ANK3: variants seen among roughly 807,000 people sequenced by gnomAD.
ANK3 encodes the protein ankyrin-3.
Under a neutral mutation model 370.9 loss-of-function variants are expected in ANK3, and 57 were observed. That is an observed-to-expected ratio of 0.15 (90% CI 0.12 to 0.19). The LOEUF is 0.19. ANK3 is among the 10% of genes least tolerant of loss of function. The pLI, the probability that ANK3 is intolerant of heterozygous loss-of-function variation, is 1.00. For missense variants in ANK3, 4,439 were observed against 5,302.1 expected, an observed-to-expected ratio of 0.84 and a Z score of 5.06; for synonymous variants, 1,929 against 1,946.3, an observed-to-expected ratio of 0.99 and a Z score of 0.23.
chr10:60,196,969 A>C (rs1162463267), intron 14 of ANK3, among the ~76,000 whole-genome samples: 2 of 152,214 alleles, frequency 1.3e-5, no homozygotes, highest in South Asian at 4.2e-4. Flanking sequence ...TCTGGGGCTT[A>C]TTCTAGGGCT....
intron 2 of ANK3, among the ~76,000 whole-genome samples, chr10:60,444,326 C>T (rs1349490227): frequency 6.6e-6 from 1 of 151,124 alleles, no homozygotes; most frequent in East Asian, 1.9e-4. Context: ...CATTTGAACT[C>T]ATTCACATGA....
intron 23 of ANK3, chr10:60,140,940 T>A: frequency 8.1e-6 from 8 of 985,538 alleles, no homozygotes; most frequent in Non-Finnish European, 9.6e-6. Context: ...AGGAAAAACA[T>A]TAGAAGAAAA....
intron 2 of ANK3, among the ~76,000 whole-genome samples, chr10:60,519,251 C>A (rs143807518): frequency 8.5e-4 from 130 of 152,226 alleles, no homozygotes; most frequent in Non-Finnish European, 1.5e-3. Flanking sequence ...GCTTGAGGCA[C>A]TTACTGGAAC....
chr10:60,456,672 C>T (rs907713792), intron 2 of ANK3, among the ~76,000 whole-genome samples: 2 of 152,076 alleles, frequency 1.3e-5, no homozygotes, highest in African/African-American at 4.8e-5. Flanking sequence ...GGCTCTAGCA[C>T]CATTCATTCT....
chr10:60,419,071 A>C (rs145104643), intron 2 of ANK3, among the ~76,000 whole-genome samples: 52 of 152,314 alleles, frequency 3.4e-4, no homozygotes, highest in African/African-American at 1.2e-3. Context: ...TTAAATGGCT[A>C]ATGTGTGAAT....
chr10:60,711,504 T>C (rs187649417), intron 1 of ANK3, among the ~76,000 whole-genome samples: 18 of 152,064 alleles, frequency 1.2e-4, no homozygotes, highest in Non-Finnish European at 1.9e-4. Flanking sequence ...AAGATGTCAG[T>C]AGAAACTTCC....
intron 2 of ANK3, among the ~76,000 whole-genome samples, chr10:60,555,877 A>G (rs1382356383): frequency 2.0e-5 from 3 of 152,130 alleles, no homozygotes; most frequent in Non-Finnish European, 4.4e-5. Flanking sequence ...CGTTTCCTCC[A>G]CTTCTCTCAT....
intron 8 of ANK3, among the ~76,000 whole-genome samples, chr10:60,232,318 T>A (rs1251180499): frequency 5.3e-5 from 8 of 152,060 alleles, no homozygotes; most frequent in Non-Finnish European, 1.0e-4. Flanking sequence ...CTGCGTGTCT[T>A]GGTAACCCTC....
intron 1 of ANK3, among the ~76,000 whole-genome samples, chr10:60,694,659 T>G (rs1483979981): frequency 6.6e-6 from 1 of 151,106 alleles, no homozygotes; most frequent in East Asian, 1.9e-4. Context: ...GCTTCATAAG[T>G]GAAGGAGAGA....
At chr10:60,503,139 T>C (rs1200514125) in intron 2 of ANK3, among the ~76,000 whole-genome samples, 1 of 152,188 alleles carries the variant, frequency 6.6e-6, no homozygotes, top group Non-Finnish European at 1.5e-5. Flanking sequence ...ATGCTGCTCT[T>C]TAAACTTTTT....
At chr10:60,295,765 T>G (rs2042364546) in intron 1 of ANK3, among the ~76,000 whole-genome samples, 1 of 152,228 alleles carries the variant, frequency 6.6e-6, no homozygotes, top group Admixed American at 6.5e-5. Flanking sequence ...AATTTAAAAA[T>G]TAATCATTAA....
At chr10:60,517,026 G>A (rs2076234682) in intron 2 of ANK3, among the ~76,000 whole-genome samples, 1 of 151,932 alleles carries the variant, frequency 6.6e-6, no homozygotes, top group Non-Finnish European at 1.5e-5. Flanking sequence ...ATCATCTCTG[G>A]GTGGTCTTGG....
rs1382544046 is a variant in ANK3, at chr10:60,073,350, T to C, written c.7531A>G (p.Lys2511Glu). Residue 2511 changes from lysine (K) to glutamate (E), a missense_variant, in exon 37 of 44, where the codon AAA becomes GAA. Physicochemically the swap from Lys to Glu is moderately conservative, Grantham distance 56. This residue lies in a region of ANK3 where 1,601 missense variants were observed against 1,731.7 expected (regional missense o/e 0.92). Transcript: ENST00000280772. Reference sequence around the variant, plus strand: ...TAGATTTTGGAGAGAATTTCTTTTTTGGGGGCAGTGGCTATTTTTTCTCTG... The same window carrying C: ...TAGATTTTGGAGAGAATTTCTTTTTCGGGGGCAGTGGCTATTTTTTCTCTG... Reference protein sequence around the residue: ...RSREKIATAPKKEILSKIYKD... With the variant: ...RSREKIATAPEKEILSKIYKD... The C allele has an allele frequency of 2.5e-6, 4 of 1,613,878 alleles. No homozygotes were observed. In the South Asian group the frequency reaches 4.4e-5, roughly 18 times the overall value.
At chr10:60,557,485 G>A (rs1444001240) in intron 2 of ANK3, among the ~76,000 whole-genome samples, 1 of 152,142 alleles carries the variant, frequency 6.6e-6, no homozygotes, top group African/African-American at 2.4e-5. Flanking sequence ...TGGGGAGAGG[G>A]AGGAATTTGG....
intron 7 of ANK3, among the ~76,000 whole-genome samples, chr10:60,236,093 C>A (rs567531024): frequency 3.3e-5 from 5 of 152,132 alleles, no homozygotes; most frequent in African/African-American, 1.2e-4. Context: ...GTGCTCCTTA[C>A]CCTGGTTCAG....
At chr10:60,353,007 A>T (rs754549946) in intron 1 of ANK3, among the ~76,000 whole-genome samples, 1 of 152,106 alleles carries the variant, frequency 6.6e-6, no homozygotes, top group African/African-American at 2.4e-5. Context: ...TTGTTGAGAC[A>T]GGGTCTCACT....
intron 23 of ANK3, among the ~76,000 whole-genome samples, chr10:60,161,199 T>C (rs546546469): frequency 6.6e-6 from 1 of 152,154 alleles, no homozygotes; most frequent in East Asian, 1.9e-4. Context: ...AAATTCAAGA[T>C]ACAAAATCAA....
intron 1 of ANK3, among the ~76,000 whole-genome samples, chr10:60,656,578 T>G (rs2078866927): frequency 6.6e-6 from 1 of 152,158 alleles, no homozygotes; most frequent in East Asian, 1.9e-4. Context: ...CTTTTCTAGT[T>G]TCCCAAAGTG....
At chr10:60,412,226 G>A (rs557173920) in intron 2 of ANK3, among the ~76,000 whole-genome samples, 9 of 152,178 alleles carry the variant, frequency 5.9e-5, no homozygotes, top group Admixed American at 1.3e-4. Context: ...GGGTGCTTCC[G>A]GATATGATTA....
Sources: gnomAD v4.1 joint callset for allele counts (sites outside exome capture counted in the v4.1 genomes callset) on GRCh38, gnomAD v4.1.1 for gene constraint, gnomAD v4.1.1 regional missense constraint, MANE v1.5 for transcripts, NCBI Gene and HGNC (gene_info 2026-07-23, HGNC 2026-07-21) for gene names.